NRIP1: variants seen among roughly 807,000 people sequenced by gnomAD.
NRIP1 encodes nuclear receptor-interacting protein 1.
In NRIP1, 28 loss-of-function variants were observed where a neutral mutation model predicts 75.0. The observed-to-expected ratio is 0.37, with a 90% CI of 0.28 to 0.51. The LOEUF (loss-of-function observed/expected upper bound fraction) is 0.51. NRIP1 is among the 20% of genes least tolerant of loss of function. NRIP1 has a pLI of 0.92. For missense variants in NRIP1, 1,435 were observed against 1,343.7 expected, an observed-to-expected ratio of 1.07 and a Z score of -1.06; for synonymous variants, 526 against 487.6, an observed-to-expected ratio of 1.08 and a Z score of -1.04.
At position 15,008,198 on chromosome 21, in the gene NRIP1, C is replaced by T. The variant is rs187300238; in HGVS notation, c.-335+6146G>A. On this transcript the variant is annotated intron_variant, in intron 3 of 3. Transcript: ENST00000318948. ...GGAGTCACCAGGGCCAAGTAAATAT[C>T]TGCCAGAGAGCAGACTGTACTCTCA... Among the ~76,000 whole-genome samples the T allele has an allele frequency of 4.1e-4, 62 of 152,194 alleles. 1 individual carries two copies. Among genetic ancestry groups the T allele is most frequent in the Admixed American group, 4.0e-3 (61 of 15,276 alleles).
At chr21:15,031,718 T>C (rs565721192) in intron 2 of NRIP1, among the ~76,000 whole-genome samples, 56 of 134,446 alleles carry the variant, frequency 4.2e-4, no homozygotes, top group African/African-American at 1.5e-3. Flanking sequence ...TCCCTTTCTA[T>C]GTGTATACAC....
At chr21:15,042,023 G>C (rs1173328472) in intron 2 of NRIP1, among the ~76,000 whole-genome samples, 1 of 152,046 alleles carries the variant, frequency 6.6e-6, no homozygotes, top group Non-Finnish European at 1.5e-5. Flanking sequence ...CTTAAACACA[G>C]AGTTTCCATT....
intron 3 of NRIP1, among the ~76,000 whole-genome samples, chr21:14,997,556 T>C (rs2087759712): frequency 1.3e-5 from 2 of 151,862 alleles, no homozygotes; most frequent in Admixed American, 1.3e-4. Flanking sequence ...CATATTATGG[T>C]TACCTAGTCA....
chr21:14,962,732 T>C lies in NRIP1; in HGVS notation c.*1984A>G, dbSNP rs1251473390. Reference sequence around the variant, plus strand: ...GCCTTCACTTCTCCATGATGTTGCATAATACCCACTCCTATTACTGTATAA... The same window carrying C: ...GCCTTCACTTCTCCATGATGTTGCACAATACCCACTCCTATTACTGTATAA... On this transcript the variant is annotated 3_prime_UTR_variant, in exon 4 of 4. Coordinates refer to ENST00000318948, the MANE Select transcript of NRIP1 (RefSeq NM_003489.4). 1 of 152,506 alleles carries C rather than the reference T, an allele frequency of 6.6e-6. No individual in the cohort carries two copies. 9.4% of individuals were successfully genotyped at this position (152,506 alleles called of 1,614,324 possible). A position where few individuals can be genotyped will look rare whatever the true frequency, so the allele number is the denominator to read the frequency against.
In NRIP1 at chr21:14,966,622, T is replaced by C. The variant is rs2086753068; in HGVS notation, c.1571A>G (p.Asn524Ser). The C allele has an allele frequency of 6.2e-7, 1 of 1,614,020 alleles. No individual in the cohort carries two copies. The highest frequency in any genetic ancestry group is 1.3e-5 in the African/African-American group (1 of 74,922). ...TTGTGTATTGAACTTGCTCACATCA[T>C]TGTGTACTCCCTGAGGGCTGGTGTT... ...EKNTSPQGVH[N>S]DVSKFNTQNY... Residue 524 changes from asparagine to serine, a missense_variant, in exon 4 of 4, where the codon AAT becomes AGT. Physicochemically the swap from Asn to Ser is conservative, Grantham distance 46 (BLOSUM62 1). Coordinates refer to ENST00000318948, the MANE Select transcript of NRIP1 (RefSeq NM_003489.4).
chr21:15,030,487 A>C (rs1397084727), intron 2 of NRIP1, among the ~76,000 whole-genome samples: 2 of 152,198 alleles, frequency 1.3e-5, no homozygotes, highest in Non-Finnish European at 2.9e-5. Context: ...CATGACAATA[A>C]AACAAGATAT....
At chr21:15,001,473 T>A (rs1006632272) in intron 3 of NRIP1, among the ~76,000 whole-genome samples, 2 of 152,160 alleles carry the variant, frequency 1.3e-5, no homozygotes, top group Non-Finnish European at 2.9e-5. Flanking sequence ...CTTTATAAAA[T>A]CTTAAAGCAT....
Position 14,964,840 on chromosome 21 carries a change from AAAGAAGC to A in NRIP1, c.3346_3352del (p.Ala1116SerfsTer4), listed in dbSNP as rs1215952225. The A allele has an allele frequency of 7.4e-6, 12 of 1,613,444 alleles. No individual in the cohort carries two copies. Among genetic ancestry groups the A allele is most frequent in the Non-Finnish European group, 1.0e-5 (12 of 1,179,746 alleles). ...ATTGTAAGGGCTTCTTAAATTAAAG[AAAGAAGC>A]TTTCGTTTCTGCAGTAGGAAGTAAC... On this transcript the variant is annotated frameshift_variant, in exon 4 of 4. Coordinates refer to ENST00000318948, the MANE Select transcript of NRIP1 (RefSeq NM_003489.4). LOFTEE classifies it high-confidence loss of function.
At position 14,967,115 on chromosome 21, in the gene NRIP1, C is replaced by A. The variant is rs774898014; in HGVS notation, c.1078G>T (p.Ala360Ser). The stretch of plus-strand genomic sequence containing the variant: ...CTTTCCAGTGAGTTCTTATAACCTG[C>A]ATTTTTAGGGGAAGAAGGAATGATA... ...MGIIPSSPKN[A>S]GYKNSLERNN... Residue 360 changes from alanine to serine, a missense_variant, in exon 4 of 4, where the codon GCA becomes TCA. Coordinates refer to ENST00000318948, the MANE Select transcript of NRIP1 (RefSeq NM_003489.4). The A allele has an allele frequency of 2.5e-6, 4 of 1,613,934 alleles. No individual in the cohort carries two copies. In the African/African-American group the frequency reaches 5.3e-5, roughly 22 times the overall value.
At chr21:15,045,890 G>GT (rs1401864956) in intron 1 of NRIP1, among the ~76,000 whole-genome samples, 1 of 152,194 alleles carries the variant, frequency 6.6e-6, no homozygotes, top group Non-Finnish European at 1.5e-5. Flanking sequence ...TCTATAAGGA[G>GT]TAACTCCTCA....
At chr21:14,995,276 A>G (rs950307886) in intron 3 of NRIP1, among the ~76,000 whole-genome samples, 4 of 152,216 alleles carry the variant, frequency 2.6e-5, no homozygotes, top group African/African-American at 9.6e-5. Context: ...GCATTTAATT[A>G]AGTCTCAGTT....
At chr21:15,003,413 AGAAATACTAGG>A (rs1481254334) in intron 3 of NRIP1, among the ~76,000 whole-genome samples, 1 of 152,208 alleles carries the variant, frequency 6.6e-6, no homozygotes, top group Non-Finnish European at 1.5e-5. Flanking sequence ...GGAACAATTA[AGAAATACTAGG>A]GACTCAATGA....
At chr21:15,050,272 T>C (rs2089172720) in intron 1 of NRIP1, 11 of 172,610 alleles carry the variant, frequency 6.4e-5, no homozygotes, top group Admixed American at 5.7e-4. Context: ...TGTTCTTGGC[T>C]ACATTTCTAC....
chr21:14,972,043 TGTGGTCA>T (rs2086915101), intron 3 of NRIP1, among the ~76,000 whole-genome samples: 2 of 152,206 alleles, frequency 1.3e-5, no homozygotes, highest in African/African-American at 4.8e-5. Flanking sequence ...AATCAAAGAT[TGTGGTCA>T]CGTGGAGAGG....
chr21:14,989,352 AT>A (rs1208472133), intron 3 of NRIP1, among the ~76,000 whole-genome samples: 1 of 152,172 alleles, frequency 6.6e-6, no homozygotes, highest in Non-Finnish European at 1.5e-5. Flanking sequence ...CAACAACAGA[AT>A]TTCATATTTC....
Position 14,968,265 on chromosome 21 carries a change from G to A in NRIP1, c.-73C>T, listed in dbSNP as rs1431234855. 7 of 998,702 alleles carry A rather than the reference G, an allele frequency of 7.0e-6. No homozygotes were observed. The highest frequency in any genetic ancestry group is 1.0e-5 in the Non-Finnish European group (7 of 668,892). 61.9% of individuals were successfully genotyped at this position (998,702 alleles called of 1,614,324 possible). On this transcript the variant is annotated 5_prime_UTR_variant, in exon 4 of 4. Transcript: ENST00000318948. ...AATGGTTTTCTGTGGTGAGTGCGATGTAACTTTAATAAAGGAGTATCAGTT... is the reference window on the plus strand; with the variant it reads ...AATGGTTTTCTGTGGTGAGTGCGATATAACTTTAATAAAGGAGTATCAGTT...
rs766106917 is a variant in NRIP1 at position 14,965,846 on chromosome 21, C to T, written c.2347G>A (p.Gly783Ser). 6.2e-7 allele frequency: 1 copy of T among 1,613,968 alleles called. No homozygotes were observed. Among genetic ancestry groups the T allele is most frequent in the South Asian group, 1.1e-5 (1 of 91,070 alleles). ...SHDAKSAPFL[G>S]MAPAVQRSAP... Reference sequence around the variant, plus strand: ...CTTCTCTGCACAGCAGGAGCCATACCCAAGAATGGGGCACTCTTAGCATCA... The same window carrying T: ...CTTCTCTGCACAGCAGGAGCCATACTCAAGAATGGGGCACTCTTAGCATCA... Residue 783 changes from glycine to serine, a missense_variant, in exon 4 of 4, where the codon GGT (glycine) becomes AGT (serine). By Grantham distance (56) the Gly-to-Ser change is moderately conservative. Transcript: ENST00000318948.
intron 3 of NRIP1, among the ~76,000 whole-genome samples, chr21:15,003,615 C>T (rs2087897362): frequency 1.3e-5 from 2 of 152,126 alleles, no homozygotes; most frequent in Non-Finnish European, 2.9e-5. Flanking sequence ...TCAGCAAGGT[C>T]GAACGGGTCA....
intron 2 of NRIP1, among the ~76,000 whole-genome samples, chr21:15,035,563 T>TC (rs2088813133): frequency 6.6e-6 from 1 of 151,212 alleles, no homozygotes; most frequent in Non-Finnish European, 1.5e-5. Flanking sequence ...TGACTTTTTT[T>TC]TTTTTTTTTT....
Sources: gnomAD v4.1 joint callset for allele counts (sites outside exome capture counted in the v4.1 genomes callset) on GRCh38, gnomAD v4.1.1 for gene constraint, MANE v1.5 for transcripts, NCBI Gene and HGNC (gene_info 2026-07-23, HGNC 2026-07-21) for gene names.